CLSTN2: variants seen among roughly 807,000 people sequenced by gnomAD.
The protein encoded by CLSTN2 is calsyntenin-2.
A neutral mutation model predicts 101.2 loss-of-function variants in CLSTN2; 48 were observed. The observed-to-expected ratio is 0.47, with a 90% CI of 0.38 to 0.60. CLSTN2 has a LOEUF of 0.60. Among genes scored for constraint, CLSTN2 ranks in the 20% least tolerant of loss-of-function variants. CLSTN2 has a pLI of 0.00. For missense variants in CLSTN2, 1,160 were observed against 1,238.2 expected, an observed-to-expected ratio of 0.94 and a Z score of 0.95; for synonymous variants, 481 against 463.6, an observed-to-expected ratio of 1.04 and a Z score of -0.48.
chr3:140,465,393 C>A (rs964393635), intron 7 of CLSTN2, among the ~76,000 whole-genome samples: 2 of 152,158 alleles, frequency 1.3e-5, no homozygotes, highest in African/African-American at 4.8e-5. Context: ...AGTTCTCTCC[C>A]AGAACTGCTG....
At chr3:140,358,232 A>G (rs2087694358) in intron 2 of CLSTN2, among the ~76,000 whole-genome samples, 1 of 152,022 alleles carries the variant, frequency 6.6e-6, no homozygotes, top group African/African-American at 2.4e-5. Context: ...TCCTTGGGAA[A>G]ACTTTCTGGA....
At chr3:140,246,049 A>G (rs2086512887) in intron 2 of CLSTN2, among the ~76,000 whole-genome samples, 1 of 152,236 alleles carries the variant, frequency 6.6e-6, no homozygotes, top group Non-Finnish European at 1.5e-5. Flanking sequence ...AAATAAGACA[A>G]CTTGTAAAAA....
At chr3:140,448,170 A>C (rs920734293) in intron 5 of CLSTN2, among the ~76,000 whole-genome samples, 4 of 151,974 alleles carry the variant, frequency 2.6e-5, no homozygotes, top group Admixed American at 6.6e-5. Flanking sequence ...CTCATAACAC[A>C]TGGTGAACTA....
At chr3:140,229,987 C>T (rs980838100) in intron 2 of CLSTN2, among the ~76,000 whole-genome samples, 2 of 152,080 alleles carry the variant, frequency 1.3e-5, no homozygotes, top group African/African-American at 2.4e-5. Context: ...GAATCTCTTA[C>T]AGTATATTGG....
At position 140,221,509 on chromosome 3, in the gene CLSTN2, T is replaced by C. The variant is rs183561538; in HGVS notation, c.232+45436T>C. ...GAATAGCAATAGTGGCAGTTAACAC[T>C]TCTATACCAGGAAACAAACAACAAA... is the stretch of plus-strand genomic sequence containing the variant. On this transcript the variant is annotated intron_variant, in intron 2 of 16. Coordinates refer to ENST00000458420, the MANE Select transcript of CLSTN2 (RefSeq NM_022131.3). Among the ~76,000 whole-genome samples, 38 of 152,198 alleles carry C rather than the reference T, an allele frequency of 2.5e-4. No homozygotes were observed. The East Asian group carries it at 7.0e-3, about 28-fold the overall frequency.
At chr3:140,381,387 T>G (rs1400163180) in intron 2 of CLSTN2, among the ~76,000 whole-genome samples, 2 of 152,272 alleles carry the variant, frequency 1.3e-5, no homozygotes, top group Non-Finnish European at 2.9e-5. Context: ...GGGGGACACA[T>G]AATACACCCA....
chr3:140,502,147 T>C (rs1415594883), intron 8 of CLSTN2, among the ~76,000 whole-genome samples: 8 of 151,524 alleles, frequency 5.3e-5, no homozygotes, highest in Admixed American at 3.3e-4. Flanking sequence ...AAGGGTAAAA[T>C]AAAAAAAAGG....
intron 1 of CLSTN2, among the ~76,000 whole-genome samples, chr3:140,166,258 A>T (rs1225024980): frequency 1.3e-5 from 2 of 152,196 alleles, no homozygotes; most frequent in Non-Finnish European, 2.9e-5. Context: ...TACTCCACCC[A>T]TCAGTTACCC....
chr3:140,195,081 A>T (rs1364582624), intron 2 of CLSTN2, among the ~76,000 whole-genome samples: 1 of 152,070 alleles, frequency 6.6e-6, no homozygotes, highest in African/African-American at 2.4e-5. Flanking sequence ...GGAGCACCTC[A>T]TTACAGCCCC....
At chr3:140,200,024 C>G (rs1030185897) in intron 2 of CLSTN2, among the ~76,000 whole-genome samples, 1 of 152,126 alleles carries the variant, frequency 6.6e-6, no homozygotes, top group Non-Finnish European at 1.5e-5. Flanking sequence ...GCTGGTGGCT[C>G]GCTGGGTACC....
chr3:140,064,250 A>G (rs1202644091), intron 1 of CLSTN2, among the ~76,000 whole-genome samples: 2 of 152,184 alleles, frequency 1.3e-5, no homozygotes, highest in Non-Finnish European at 2.9e-5. Flanking sequence ...CCTTTTGCTG[A>G]AGAAGGATTG....
rs569125079 is a variant in CLSTN2 at position 140,074,428 on chromosome 3, A to G, written c.110-101523A>G. ...TGGGGGAGTAGCTGTTCTTAGCCCA[A>G]AGGAGGTGCTTAATAAATGACTGCC... On this transcript the variant is annotated intron_variant, in intron 1 of 16. Transcript: ENST00000458420. 1.1e-3 allele frequency among the ~76,000 whole-genome samples: 161 copies of G among 152,194 alleles called. 1 individual carries two copies. Among genetic ancestry groups the G allele is most frequent in the African/African-American group, 3.8e-3 (158 of 41,516 alleles).
At chr3:140,202,151 C>T (rs2107841807) in intron 2 of CLSTN2, among the ~76,000 whole-genome samples, 1 of 152,254 alleles carries the variant, frequency 6.6e-6, no homozygotes, top group East Asian at 1.9e-4. Flanking sequence ...ATGGGAGCTA[C>T]AGCAGGGGTT....
At chr3:140,318,239 T>C (rs887644610) in intron 2 of CLSTN2, among the ~76,000 whole-genome samples, 3 of 152,022 alleles carry the variant, frequency 2.0e-5, no homozygotes, top group African/African-American at 7.2e-5. Flanking sequence ...AGACGTGTGG[T>C]CCAGTGACAA....
chr3:140,254,576 G>A (rs1468369049), intron 2 of CLSTN2, among the ~76,000 whole-genome samples: 1 of 152,142 alleles, frequency 6.6e-6, no homozygotes, highest in South Asian at 2.1e-4. Context: ...TAATGAGGAA[G>A]GACAGAGACC....
chr3:140,320,626 G>A lies in CLSTN2; in HGVS notation c.233-83003G>A, dbSNP rs946459738. On this transcript the variant is annotated intron_variant, in intron 2 of 16. Coordinates refer to ENST00000458420, the MANE Select transcript of CLSTN2 (RefSeq NM_022131.3). ...GTTTTTTTTGCGGGGGGGGGCAGGG[G>A]TCAATACACATATTATTATTGTATT... 3.3e-5 allele frequency among the ~76,000 whole-genome samples: 5 copies of A among 150,576 alleles called. 1 individual carries two copies. The highest frequency in any genetic ancestry group is 2.7e-4 in the Admixed American group (4 of 15,088).
chr3:140,443,745 A>G (rs886760059), intron 5 of CLSTN2, among the ~76,000 whole-genome samples: 1 of 152,238 alleles, frequency 6.6e-6, no homozygotes, highest in Non-Finnish European at 1.5e-5. Context: ...GGATATTCCC[A>G]TACCGAGCCT....
rs551982280 is a variant in CLSTN2, at chr3:140,328,103, ACTT to A, written c.233-75520_233-75518del. On this transcript the variant is annotated intron_variant, in intron 2 of 16. Coordinates refer to ENST00000458420, the MANE Select transcript of CLSTN2 (RefSeq NM_022131.3). ...TTGCATTGGTCTTGGTACTGATTTAACTTCTTCTGAAGGGAACTATGTATCTTC... is the reference window on the plus strand; with the variant it reads ...TTGCATTGGTCTTGGTACTGATTTAACTTCTGAAGGGAACTATGTATCTTC... 4.9e-3 allele frequency among the ~76,000 whole-genome samples: 746 copies of A among 152,254 alleles called. 3 individuals carry two copies. Among genetic ancestry groups the A allele is most frequent in the African/African-American group, 0.017 (697 of 41,534 alleles).
intron 2 of CLSTN2, among the ~76,000 whole-genome samples, chr3:140,245,187 G>A (rs34707646): frequency 1.3e-5 from 2 of 152,190 alleles, no homozygotes; most frequent in East Asian, 3.8e-4. Context: ...TTATTCCTCA[G>A]GGCTTAGTAG....
Sources: gnomAD v4.1 joint callset for allele counts (sites outside exome capture counted in the v4.1 genomes callset) on GRCh38, gnomAD v4.1.1 for gene constraint, MANE v1.5 for transcripts, NCBI Gene and HGNC (gene_info 2026-07-23, HGNC 2026-07-21) for gene names.